Variants in EPHA6 observed in about 807,000 individuals in gnomAD.
The protein encoded by EPHA6 is ephrin type-A receptor 6.
Under a neutral mutation model 112.0 loss-of-function variants are expected in EPHA6, and 50 were observed. That is an observed-to-expected ratio of 0.45 (90% CI 0.36 to 0.56). The LOEUF (loss-of-function observed/expected upper bound fraction) is 0.56, where lower values mean the gene tolerates loss of function less well. Ranked by LOEUF, EPHA6 falls within the 20% of genes least tolerant of loss-of-function variation. The pLI, the probability that EPHA6 is intolerant of heterozygous loss-of-function variation, is 0.00. For missense variants in EPHA6, 1,280 were observed against 1,417.4 expected (o/e 0.90, Z 1.56); for synonymous variants, 529 against 490.7 (o/e 1.08, Z -1.03).
intron 2 of EPHA6, among the ~76,000 whole-genome samples, chr3:96,942,608 G>C (rs528995665): frequency 6.6e-6 from 1 of 152,172 alleles, no homozygotes; most frequent in African/African-American, 2.4e-5. Flanking sequence ...CACACGGTGC[G>C]CTGCACCCAC....
In EPHA6 at chr3:96,990,769, A is replaced by G. The variant is rs2107858800; in HGVS notation, c.1114+2776A>G. Among the ~76,000 whole-genome samples, 2 of 152,172 alleles carry G rather than the reference A, an allele frequency of 1.3e-5. 1 individual carries two copies. The highest frequency in any genetic ancestry group is 4.8e-5 in the African/African-American group (2 of 41,554). ...GTGTGTTGCCCCTTTCTTTCCTCTG[A>G]TGAGAATTTTATCATTGCTTTTATT... On this transcript the variant is annotated intron_variant, in intron 3 of 17. Coordinates refer to ENST00000389672, the MANE Select transcript of EPHA6 (RefSeq NM_001080448.3).
chr3:96,815,001 C>T lies in EPHA6; in HGVS notation c.378C>T (p.Asn126=). ...CAGGCGACTGCAGTCACGTCTCCAA[C>T]AACCAAGGTAAGGGACGGGGCGGAG... The part of the protein sequence containing the change: ...AWPGDCSHVS[N]NQVVLLDTTT... Residue 126 remains asparagine, a synonymous_variant, in exon 1 of 18, where the codon AAC becomes AAT. Coordinates refer to ENST00000389672, the MANE Select transcript of EPHA6 (RefSeq NM_001080448.3). 2.0e-6 allele frequency: 3 copies of T among 1,518,272 alleles called. No individual in the cohort carries two copies. The East Asian group carries it at 7.5e-5, about 38-fold the overall frequency. The allele number at this position is 1,518,272 out of a possible 1,614,324, so 94.1% of individuals were successfully genotyped here. A position where few individuals can be genotyped will look rare whatever the true frequency, so the allele number is the denominator to read the frequency against.
chr3:97,654,659 GA>G (rs937581601), intron 14 of EPHA6, among the ~76,000 whole-genome samples: 5 of 151,704 alleles, frequency 3.3e-5, no homozygotes, highest in African/African-American at 1.2e-4. Flanking sequence ...TCAAAGATGA[GA>G]AAAAAACAAA....
intron 15 of EPHA6, 102 bp from the exon 16 acceptor site, chr3:97,735,823 G>T: frequency 9.9e-6 from 8 of 808,370 alleles, no homozygotes; most frequent in South Asian, 2.6e-5. Flanking sequence ...TAGTTTTCAT[G>T]CTTACCATTA....
chr3:96,984,497 G>T (rs1426621362), intron 2 of EPHA6, among the ~76,000 whole-genome samples: 1 of 152,190 alleles, frequency 6.6e-6, no homozygotes, highest in South Asian at 2.1e-4. Flanking sequence ...CTACTTGGGG[G>T]TGTGGGACCC....
intron 16 of EPHA6, among the ~76,000 whole-genome samples, chr3:97,742,022 T>C (rs1363348575): frequency 1.3e-5 from 2 of 152,088 alleles, no homozygotes; most frequent in South Asian, 4.1e-4. Context: ...AGGAAAGTAG[T>C]AATAGCAACA....
intron 5 of EPHA6, among the ~76,000 whole-genome samples, chr3:97,261,261 C>T (rs2079493240): frequency 6.6e-6 from 1 of 152,024 alleles, no homozygotes; most frequent in Non-Finnish European, 1.5e-5. Context: ...CTTTTCTAGT[C>T]TAAGAAAACA....
At chr3:97,058,632 T>C (rs1364852574) in intron 3 of EPHA6, among the ~76,000 whole-genome samples, 1 of 152,198 alleles carries the variant, frequency 6.6e-6, no homozygotes, top group African/African-American at 2.4e-5. Context: ...CAAGTTCTTT[T>C]ATTGTTACTT....
intron 3 of EPHA6, among the ~76,000 whole-genome samples, chr3:97,104,491 A>C (rs2047505315): frequency 6.6e-6 from 1 of 152,156 alleles, no homozygotes; most frequent in African/African-American, 2.4e-5. Flanking sequence ...CCCAGGGATG[A>C]AGCCTACTTG....
chr3:97,430,183 A>G (rs1416733964), intron 6 of EPHA6, among the ~76,000 whole-genome samples: 5 of 152,200 alleles, frequency 3.3e-5, no homozygotes, highest in Admixed American at 2.6e-4. Flanking sequence ...ATTGGGCATT[A>G]CTAAATAGTC....
chr3:97,075,227 T>G (rs530650046), intron 3 of EPHA6, among the ~76,000 whole-genome samples: 1 of 152,016 alleles, frequency 6.6e-6, no homozygotes, highest in Admixed American at 6.6e-5. Context: ...ATAGAATATT[T>G]CATATCTAGA....
At chr3:97,413,448 G>A (rs956657130) in intron 6 of EPHA6, among the ~76,000 whole-genome samples, 9 of 151,890 alleles carry the variant, frequency 5.9e-5, no homozygotes, top group Admixed American at 1.3e-4. Context: ...CGTTACATTC[G>A]TGTGAGGCTC....
chr3:96,845,239 G>A (rs907224870), intron 1 of EPHA6, among the ~76,000 whole-genome samples: 18 of 152,116 alleles, frequency 1.2e-4, no homozygotes, highest in African/African-American at 3.6e-4. Flanking sequence ...GTAAAAAAAT[G>A]TAAGTTGCAT....
intron 5 of EPHA6, among the ~76,000 whole-genome samples, chr3:97,397,236 C>T (rs2086744165): frequency 6.6e-6 from 1 of 151,500 alleles, no homozygotes. Context: ...TTTTCCCTGA[C>T]TTTTTAGCAT....
intron 7 of EPHA6, among the ~76,000 whole-genome samples, chr3:97,464,741 A>G (rs2091001990): frequency 6.6e-6 from 1 of 152,056 alleles, no homozygotes; most frequent in South Asian, 2.1e-4. Context: ...CCCATGGAAA[A>G]AGTTATATTG....
At chr3:97,185,667 G>A (rs562028073) in intron 3 of EPHA6, among the ~76,000 whole-genome samples, 1 of 152,088 alleles carries the variant, frequency 6.6e-6, no homozygotes, top group East Asian at 1.9e-4. Context: ...ATTCCTCAGG[G>A]ATCTAGAACT....
intron 5 of EPHA6, among the ~76,000 whole-genome samples, chr3:97,334,583 A>G (rs1252242641): frequency 6.7e-6 from 1 of 150,242 alleles, no homozygotes; most frequent in Non-Finnish European, 1.5e-5. Flanking sequence ...GTGCTCAAGC[A>G]GTTCTCTCAC....
intron 2 of EPHA6, among the ~76,000 whole-genome samples, chr3:96,980,649 G>A (rs1301472651): frequency 4.0e-5 from 6 of 150,526 alleles, no homozygotes; most frequent in African/African-American, 1.2e-4. Flanking sequence ...GGGCAGTATG[G>A]CCATTTTCAT....
intron 2 of EPHA6, among the ~76,000 whole-genome samples, chr3:96,884,998 T>C (rs2037542151): frequency 6.6e-6 from 1 of 152,218 alleles, no homozygotes; most frequent in Admixed American, 6.5e-5. Flanking sequence ...ATTTTTGTTT[T>C]TAATTCTGTT....
Sources: gnomAD v4.1 joint callset for allele counts (sites outside exome capture counted in the v4.1 genomes callset) on GRCh38, gnomAD v4.1.1 for gene constraint, MANE v1.5 for transcripts, NCBI Gene and HGNC (gene_info 2026-07-23, HGNC 2026-07-21) for gene names.